SLC35F3: variants seen among roughly 807,000 people sequenced by gnomAD.
The protein encoded by SLC35F3 is solute carrier family 35 member F3, also known as putative thiamine transporter SLC35F3.
SLC35F3 carries 25 observed loss-of-function variants against 49.9 expected under a neutral mutation model. That is an observed-to-expected ratio of 0.50 (90% confidence interval 0.37 to 0.70). The LOEUF is 0.70. SLC35F3 is among the 30% of genes least tolerant of loss of function. The pLI is 0.00. For missense variants in SLC35F3, 525 were observed against 639.8 expected (o/e 0.82, Z 1.94); for synonymous variants, 275 against 265.4 (o/e 1.04, Z -0.35).
At chr1:234,031,835 A>C (rs1664067314) in intron 2 of SLC35F3, among the ~76,000 whole-genome samples, 1 of 152,206 alleles carries the variant, frequency 6.6e-6, no homozygotes, top group African/African-American at 2.4e-5. Context: ...TCCTAGACCC[A>C]CCTTGGACAC....
intron 2 of SLC35F3, among the ~76,000 whole-genome samples, chr1:234,014,172 G>C (rs1200858347): frequency 6.6e-6 from 1 of 152,206 alleles, no homozygotes; most frequent in African/African-American, 2.4e-5. Context: ...TGCGATGCAA[G>C]GATGGTTCCA....
At chr1:234,007,651 A>C (rs1200001038) in intron 2 of SLC35F3, among the ~76,000 whole-genome samples, 4 of 152,214 alleles carry the variant, frequency 2.6e-5, no homozygotes, top group African/African-American at 9.6e-5. Flanking sequence ...ACCAACCATA[A>C]AAGTCACAGC....
chr1:234,072,148 TAGA>T (rs1241450916), intron 2 of SLC35F3, among the ~76,000 whole-genome samples: 1 of 152,274 alleles, frequency 6.6e-6, no homozygotes, highest in Non-Finnish European at 1.5e-5. Context: ...CAAGGATTTC[TAGA>T]AGAATAGGAC....
At chr1:234,263,478 G>A (rs766811725) in intron 3 of SLC35F3, among the ~76,000 whole-genome samples, 73 of 151,968 alleles carry the variant, frequency 4.8e-4, no homozygotes, top group Non-Finnish European at 9.1e-4. Context: ...TTGTTGACTC[G>A]GGAGAGTATG....
At chr1:234,299,033 G>A (rs1481544515) in intron 3 of SLC35F3, among the ~76,000 whole-genome samples, 1 of 152,136 alleles carries the variant, frequency 6.6e-6, no homozygotes, top group Non-Finnish European at 1.5e-5. Flanking sequence ...GGAACTTACA[G>A]CATTCATTAG....
chr1:234,009,113 A>C (rs1253323659), intron 2 of SLC35F3, among the ~76,000 whole-genome samples: 2 of 152,174 alleles, frequency 1.3e-5, no homozygotes, highest in Admixed American at 1.3e-4. Context: ...ATGTTCCCCC[A>C]AAATTCCTGC....
intron 2 of SLC35F3, among the ~76,000 whole-genome samples, chr1:234,160,942 C>G (rs1220270196): frequency 2.0e-5 from 3 of 152,190 alleles, no homozygotes; most frequent in African/African-American, 7.2e-5. Context: ...TGTATGTCAT[C>G]CATAAAATGC....
intron 2 of SLC35F3, among the ~76,000 whole-genome samples, chr1:233,964,431 A>G (rs1662863690): frequency 6.6e-6 from 1 of 152,198 alleles, no homozygotes; most frequent in South Asian, 2.1e-4. Flanking sequence ...AGCTTTCCCA[A>G]TGCCAGGCAC....
intron 2 of SLC35F3, among the ~76,000 whole-genome samples, chr1:233,943,964 A>C (rs1185172343): frequency 1.3e-5 from 2 of 152,364 alleles, no homozygotes; most frequent in East Asian, 3.9e-4. Flanking sequence ...GAATTAAGGC[A>C]GAAATCAAGA....
At chr1:234,168,704 A>G (rs1666353684) in intron 2 of SLC35F3, among the ~76,000 whole-genome samples, 1 of 152,236 alleles carries the variant, frequency 6.6e-6, no homozygotes, top group Admixed American at 6.5e-5. Flanking sequence ...CCAGCAGAAC[A>G]GTGAGGCTGG....
chr1:233,964,474 G>A (rs1662864220), intron 2 of SLC35F3, among the ~76,000 whole-genome samples: 1 of 152,210 alleles, frequency 6.6e-6, no homozygotes, highest in Admixed American at 6.5e-5. Flanking sequence ...CCATGAGGGA[G>A]GCAGATGTGG....
At chr1:234,008,136 C>T (rs1289599753) in intron 2 of SLC35F3, among the ~76,000 whole-genome samples, 1 of 144,888 alleles carries the variant, frequency 6.9e-6, no homozygotes, top group African/African-American at 2.6e-5. Flanking sequence ...TCTCTCGTTC[C>T]TTGTCTTCTC....
intron 3 of SLC35F3, among the ~76,000 whole-genome samples, chr1:234,250,387 G>T (rs1323132358): frequency 6.6e-6 from 1 of 152,200 alleles, no homozygotes; most frequent in African/African-American, 2.4e-5. Context: ...GGGCGCGGTG[G>T]CTCACGCCTG....
chr1:233,943,795 C>T (rs1392346792), intron 2 of SLC35F3, among the ~76,000 whole-genome samples: 1 of 152,244 alleles, frequency 6.6e-6, no homozygotes, highest in Non-Finnish European at 1.5e-5. Flanking sequence ...ATCCATTTGC[C>T]TGTAGCCACA....
chr1:233,971,396 A>C (rs1262635436), intron 2 of SLC35F3, among the ~76,000 whole-genome samples: 1 of 152,240 alleles, frequency 6.6e-6, no homozygotes, highest in East Asian at 1.9e-4. Flanking sequence ...CTTCAGGTCA[A>C]ATCCTATGAA....
At chr1:234,242,289 C>T (rs560779194) in intron 3 of SLC35F3, among the ~76,000 whole-genome samples, 6 of 152,168 alleles carry the variant, frequency 3.9e-5, no homozygotes, top group Admixed American at 6.5e-5. Context: ...GCCTCCCTTC[C>T]ACCCGCTTCC....
At chr1:234,162,045 A>G (rs982170914) in intron 2 of SLC35F3, among the ~76,000 whole-genome samples, 3 of 152,060 alleles carry the variant, frequency 2.0e-5, no homozygotes, top group Non-Finnish European at 2.9e-5. Flanking sequence ...TGTGCTGTCT[A>G]GGGCTCACCC....
In SLC35F3 at chr1:233,993,294, G is replaced by A. The variant is rs545220122; in HGVS notation, c.283+87536G>A. Among the ~76,000 whole-genome samples, 10 of 152,178 alleles carry A rather than the reference G, an allele frequency of 6.6e-5. No homozygotes were observed. In the South Asian group the frequency reaches 1.9e-3, roughly 29 times the overall value. On this transcript the variant is annotated intron_variant, in intron 2 of 7. Transcript: ENST00000366618. ...AACATTTTTACTGAGCTCTCAGTGA[G>A]CATGAGATGGTCAGTTTTGCTGGGC...
In SLC35F3 at chr1:234,323,084, TCTC is replaced by T; in HGVS notation, c.1320_1322del (p.Leu443del). The T allele has an allele frequency of 6.2e-7, 1 of 1,614,128 alleles. No individual in the cohort carries two copies. Among genetic ancestry groups the T allele is most frequent in the Non-Finnish European group, 8.5e-7 (1 of 1,180,028 alleles). On this transcript the variant is annotated inframe_deletion, in exon 8 of 8. Coordinates refer to ENST00000366618, the MANE Select transcript of SLC35F3 (RefSeq NM_173508.4). The surrounding 1 kb of genome is among the most constrained non-coding windows in gnomAD (Gnocchi z 4.5). ...CCATCATCATCATCGGCCTGGGTTT[TCTC>T]CTCCTGCTCCTGCCAGAGGAGTGGG...
Sources: allele counts gnomAD v4.1 joint callset (sites outside exome capture counted in the v4.1 genomes callset), GRCh38; gene constraint gnomAD v4.1.1; non-coding constraint Gnocchi (gnomAD v3.1); transcripts MANE v1.5; gene names NCBI Gene and HGNC (gene_info 2026-07-23, HGNC 2026-07-21).